The following ASAH1 variants were observed in gnomAD, a reference collection of about 807,000 sequenced individuals.
The protein encoded by ASAH1 is acid ceramidase.
ASAH1 carries 70 observed loss-of-function variants against 59.5 expected under a neutral mutation model. The ratio of observed to expected loss-of-function variants is 1.18; its 90% CI spans 0.97 to 1.43. The LOEUF (loss-of-function observed/expected upper bound fraction) is 1.43, where lower values mean the gene tolerates loss of function less well. Among genes scored for constraint, ASAH1 ranks in the 40% most tolerant of loss-of-function variants. The pLI, the probability that ASAH1 is intolerant of heterozygous loss-of-function variation, is 0.00. For missense variants in ASAH1, 660 were observed against 482.5 expected (o/e 1.37, Z -3.45); for synonymous variants, 213 against 166.5 (o/e 1.28, Z -2.15).
At chr8:18,078,500 A>C (rs995644645) in intron 1 of ASAH1, among the ~76,000 whole-genome samples, 1 of 152,306 alleles carries the variant, frequency 6.6e-6, no homozygotes, top group South Asian at 2.1e-4. Flanking sequence ...AGGGGCTCAC[A>C]TGGCATGAAC....
upstream of ASAH1, chr8:18,084,156 C>T (rs563713921): frequency 3.8e-6 from 6 of 1,560,574 alleles, no homozygotes; most frequent in African/African-American, 8.1e-5. Flanking sequence ...GCGTGACCCG[C>T]GACCTGGGAC....
At chr8:18,067,139 C>T in intron 5 of ASAH1, 81 bp downstream of exon 5, 5 of 1,126,466 alleles carry the variant, frequency 4.4e-6, no homozygotes, top group Non-Finnish European at 6.4e-6. Context: ...AGCACCTGTG[C>T]TGTATGTATA....
chr8:18,069,041 T>C (rs1038824369), intron 4 of ASAH1, among the ~76,000 whole-genome samples: 3 of 149,418 alleles, frequency 2.0e-5, no homozygotes, highest in Non-Finnish European at 4.4e-5. Flanking sequence ...CTCAGGAGGC[T>C]GAGGCAGAAG....
At chr8:18,084,956 G>C (rs1800839000), upstream of ASAH1, 4 of 1,087,380 alleles carry the variant, frequency 3.7e-6, no homozygotes, top group Admixed American at 2.0e-5. Context: ...GACCGGGTTG[G>C]ATTTCAAAGT....
rs144038805 is a variant in ASAH1 at position 18,064,091 on chromosome 8, G to C, written c.457+366C>G. 73 of 385,158 alleles carry C rather than the reference G, an allele frequency of 1.9e-4. No individual in the cohort carries two copies. The Middle Eastern group carries it at 2.2e-3, about 11-fold the overall frequency. 23.9% of individuals were successfully genotyped at this position (385,158 alleles called of 1,614,324 possible). Reference sequence around the variant, plus strand: ...AAGGATGGGAGAATGTGTGTTCTGGGCCTCAAGAAAAGGACAGATGTCATG... The same window carrying C: ...AAGGATGGGAGAATGTGTGTTCTGGCCCTCAAGAAAAGGACAGATGTCATG... On this transcript the variant is annotated intron_variant, in intron 6 of 13. Coordinates refer to ENST00000637790, the MANE Select transcript of ASAH1 (RefSeq NM_177924.5).
chr8:18,069,440 CAA>C (rs1037642636), intron 4 of ASAH1: 3 of 213,276 alleles, frequency 1.4e-5, no homozygotes, highest in African/African-American at 4.9e-5. Context: ...CTCATATCTA[CAA>C]AAAAAAAATC....
intron 2 of ASAH1, among the ~76,000 whole-genome samples, chr8:18,071,614 G>C (rs1800181406): frequency 6.6e-6 from 1 of 152,070 alleles, no homozygotes; most frequent in Non-Finnish European, 1.5e-5. Flanking sequence ...TGATCTAGTA[G>C]GGAAGGTTCA....
chr8:18,072,505 C>CAGAAA (rs60901171), intron 2 of ASAH1, among the ~76,000 whole-genome samples: 64,794 of 151,592 alleles, frequency 0.43, 14,670 homozygotes, highest in Admixed American at 0.53. Context: ...GTGATTTAGA[C>CAGAAA]AGAAAAGTAT....
At chr8:18,060,409 A>G (rs1414116048) in intron 10 of ASAH1, 2 of 152,732 alleles carry the variant, frequency 1.3e-5, no homozygotes. Context: ...TCTAATCTGA[A>G]GGAGAAACAA....
chr8:18,072,581 T>C (rs1800219904), intron 2 of ASAH1, among the ~76,000 whole-genome samples: 1 of 152,212 alleles, frequency 6.6e-6, no homozygotes, highest in Non-Finnish European at 1.5e-5. Flanking sequence ...TCTCAAAGCA[T>C]TTTCAAGTTC....
chr8:18,059,489 T>C (rs1345006599), intron 11 of ASAH1, 25 bp from the exon 12 acceptor site: 2 of 1,614,192 alleles, frequency 1.2e-6, no homozygotes, highest in African/African-American at 2.7e-5. Flanking sequence ...AGAGATTCCC[T>C]CTTAGGCTAC....
chr8:18,067,474 C>T, intron 4 of ASAH1, 176 bp from the exon 5 acceptor site: 1 of 295,080 alleles, frequency 3.4e-6, no homozygotes, highest in Non-Finnish European at 6.1e-6. Context: ...AGCATTTTTA[C>T]ATCATGTAGT....
chr8:18,067,369 AAATAT>A (rs1799976652), intron 4 of ASAH1, 71 bp from the exon 5 acceptor site: 2 of 939,828 alleles, frequency 2.1e-6, no homozygotes, highest in Non-Finnish European at 1.4e-6. Flanking sequence ...TAATATAAAC[AAATAT>A]AATAAAAGCA....
intron 11 of ASAH1, 46 bp downstream of exon 11, chr8:18,059,526 T>C (rs1799605539): frequency 1.2e-6 from 2 of 1,614,128 alleles, no homozygotes; most frequent in Admixed American, 1.7e-5. Flanking sequence ...AGTATATCAG[T>C]GTATGCTTTT....
chr8:18,084,959 T>G (rs1232685526), upstream of ASAH1: 1 of 1,061,054 alleles, frequency 9.4e-7, no homozygotes, highest in Non-Finnish European at 1.4e-6. Flanking sequence ...CGGGTTGGAT[T>G]TCAAAGTCCA....
chr8:18,062,940 G>C, intron 7 of ASAH1: 1 of 419,754 alleles, frequency 2.4e-6, no homozygotes, highest in Non-Finnish European at 4.3e-6. Flanking sequence ...GCGCGATCTC[G>C]GCTCACTGCA....
intron 7 of ASAH1, chr8:18,062,667 T>C (rs1447982816): frequency 4.4e-5 from 23 of 525,326 alleles, no homozygotes; most frequent in Middle Eastern, 5.2e-4. Context: ...GATTCAAACA[T>C]AGAATGCTAA....
intron 6 of ASAH1, 32 bp from the exon 7 acceptor site, chr8:18,063,262 T>C (rs764297451): frequency 7.3e-5 from 114 of 1,563,726 alleles, no homozygotes; most frequent in South Asian, 6.0e-4. Context: ...AGACGTGTAA[T>C]AGCAGTTAAG....
intron 2 of ASAH1, among the ~76,000 whole-genome samples, chr8:18,072,951 T>C (rs1041039331): frequency 3.3e-5 from 5 of 152,136 alleles, no homozygotes; most frequent in Non-Finnish European, 4.4e-5. Context: ...TGATTCTTTT[T>C]CAGCCTAGAG....
Sources: gnomAD v4.1 joint callset for allele counts (sites outside exome capture counted in the v4.1 genomes callset) on GRCh38, gnomAD v4.1.1 for gene constraint, MANE v1.5 for transcripts, NCBI Gene and HGNC (gene_info 2026-07-23, HGNC 2026-07-21) for gene names.